Variants in BRD4 observed in about 807,000 individuals in gnomAD.
BRD4 encodes the protein bromodomain-containing protein 4.
A neutral mutation model predicts 142.1 loss-of-function variants in BRD4; 16 were observed. The ratio of observed to expected loss-of-function variants is 0.11; its 90% confidence interval spans 0.08 to 0.17. The LOEUF is 0.17. Ranked by LOEUF, BRD4 falls within the 10% of genes least tolerant of loss-of-function variation. The probability of loss-of-function intolerance (pLI) is 1.00; values close to 1 mark genes in which losing one functional copy is unlikely to be tolerated. For synonymous variants in BRD4, 833 were observed against 707.5 expected (o/e 1.18, Z -2.82); for missense variants, 1,424 against 1,810.9 (o/e 0.79, Z 3.88).
At chr19:15,244,904 A>G in intron 11 of BRD4, 142 bp from the exon 12 acceptor site, 1 of 1,438,550 alleles carries the variant, frequency 7.0e-7, no homozygotes, top group South Asian at 1.3e-5. Context: ...TCAATGAGGG[A>G]TGAGTTGGTC....
Position 15,236,825 on chromosome 19 carries a change from G to C in BRD4, c.*1552C>G, listed in dbSNP as rs114606094. The C allele has an allele frequency of 2.9e-3, 530 of 181,834 alleles. 3 individuals are homozygous for C. The highest frequency in any genetic ancestry group is 0.012 in the African/African-American group (516 of 42,336). 11.3% of individuals were successfully genotyped at this position (181,834 alleles called of 1,614,324 possible). On this transcript the variant is annotated 3_prime_UTR_variant, in exon 20 of 20. Transcript: ENST00000679869. ...CAGTTGGTTCACAAAGAAATGTCAG[G>C]GAGACGCCAGCATTAAAAAAAGAGA...
chr19:15,329,085 T>C (rs1044282450), intron 1 of BRD4, among the ~76,000 whole-genome samples: 15 of 152,052 alleles, frequency 9.9e-5, no homozygotes, highest in Admixed American at 7.9e-4. Context: ...TTCTGCTTTT[T>C]TTTTTTTTAA....
chr19:15,309,748 T>A (rs2047950109), intron 1 of BRD4, among the ~76,000 whole-genome samples: 1 of 152,186 alleles, frequency 6.6e-6, no homozygotes, highest in African/African-American at 2.4e-5. Context: ...GAATCAAAGA[T>A]GTTTCCTTCT....
At chr19:15,312,431 C>A (rs2047979596) in intron 1 of BRD4, among the ~76,000 whole-genome samples, 1 of 152,132 alleles carries the variant, frequency 6.6e-6, no homozygotes, top group African/African-American at 2.4e-5. Flanking sequence ...ATCAGGAGTT[C>A]AAGACCAGCC....
At chr19:15,304,837 C>T (rs1186416141) in intron 1 of BRD4, among the ~76,000 whole-genome samples, 4 of 152,050 alleles carry the variant, frequency 2.6e-5, no homozygotes, top group Admixed American at 2.6e-4. Context: ...TCTAAGGTCA[C>T]ACCTGACTCC....
chr19:15,276,498 A>ACTCTCT (rs141468815), intron 1 of BRD4, among the ~76,000 whole-genome samples: 33 of 145,506 alleles, frequency 2.3e-4, no homozygotes, highest in African/African-American at 8.4e-4. Flanking sequence ...AGGCTCACAG[A>ACTCTCT]CTCTCTCTCT....
In BRD4 at chr19:15,238,464, AGG is replaced by A; in HGVS notation, c.4021-21_4021-20del. ...CTGCCATCTGGAGGAGAAAGGAAGG[AGG>A]GAGTCAGGAGGATGACCTAGCCACC... On this transcript the variant is annotated intron_variant, in intron 19 of 19. Coordinates refer to ENST00000679869, the MANE Select transcript of BRD4 (RefSeq NM_001379291.1). The surrounding 1 kb of genome is among the most constrained non-coding windows in gnomAD (Gnocchi z 7.2). 1 of 1,613,980 alleles carries A rather than the reference AGG, an allele frequency of 6.2e-7. No homozygotes were observed. Among genetic ancestry groups the A allele is most frequent in the Non-Finnish European group, 8.5e-7 (1 of 1,179,952 alleles).
intron 2 of BRD4, among the ~76,000 whole-genome samples, chr19:15,272,386 T>G (rs1254649945): frequency 6.6e-6 from 1 of 152,174 alleles, no homozygotes; most frequent in African/African-American, 2.4e-5. Flanking sequence ...TGATGCTAGG[T>G]GACCACTACT....
rs111569875 is a variant in BRD4, at chr19:15,281,663, T to C, written c.-34-8530A>G. The stretch of plus-strand genomic sequence containing the variant: ...AATCTGGGCGGATGGATTCATGAAA[T>C]GTAAAATGTTCCTGTGAGAAGCATG... On this transcript the variant is annotated intron_variant, in intron 1 of 19. Coordinates refer to ENST00000679869, the MANE Select transcript of BRD4 (RefSeq NM_001379291.1). 7.2e-3 allele frequency among the ~76,000 whole-genome samples: 1,095 copies of C among 152,288 alleles called. 9 individuals are homozygous for C. Among genetic ancestry groups the C allele is most frequent in the Non-Finnish European group, 0.01 (708 of 68,028 alleles).
chr19:15,254,277 A>G lies in BRD4; in HGVS notation c.2048-15T>C. On this transcript the variant is annotated splice_polypyrimidine_tract_variant and intron_variant, in intron 10 of 19. Coordinates refer to ENST00000679869, the MANE Select transcript of BRD4 (RefSeq NM_001379291.1). ...AACTTTCTCAGCTGCAATCCAAGCA[A>G]TGGGAGCTGGTCAGGCAGGGCTGTG... is the stretch of plus-strand genomic sequence containing the variant. 1 of 1,609,354 alleles carries G rather than the reference A, an allele frequency of 6.2e-7. No homozygotes were observed. Among genetic ancestry groups the G allele is most frequent in the Non-Finnish European group, 8.5e-7 (1 of 1,175,752 alleles).
Position 15,243,246 on chromosome 19 carries a change from A to G in BRD4, c.2823T>C (p.Pro941=). 3.8e-6 allele frequency: 5 copies of G among 1,324,964 alleles called. No homozygotes were observed. Among genetic ancestry groups the G allele is most frequent in the South Asian group, 1.4e-5 (1 of 69,250 alleles). 82.1% of individuals were successfully genotyped at this position (1,324,964 alleles called of 1,614,324 possible). A position where few individuals can be genotyped will look rare whatever the true frequency, so the allele number is the denominator to read the frequency against. The part of the protein sequence containing the change: ...YLQQLQKVQP[P]TPLLPSVKVQ... ...CCTTCACGGAAGGGAGTAGCGGCGT[A>G]GGGGGCTGCACCTTCTGCAGCTGCT... is the stretch of plus-strand genomic sequence containing the variant. Residue 941 remains proline, a synonymous_variant, in exon 14 of 20, where the codon CCT becomes CCC. Coordinates refer to ENST00000679869, the MANE Select transcript of BRD4 (RefSeq NM_001379291.1).
At chr19:15,330,396 T>C (rs2048146816) in intron 1 of BRD4, among the ~76,000 whole-genome samples, 1 of 152,204 alleles carries the variant, frequency 6.6e-6, no homozygotes, top group African/African-American at 2.4e-5. Flanking sequence ...CTTGGTTATC[T>C]ACAACGCATC....
chr19:15,315,691 T>C (rs2048010972), intron 1 of BRD4, among the ~76,000 whole-genome samples: 1 of 151,824 alleles, frequency 6.6e-6, no homozygotes, highest in African/African-American at 2.4e-5. Flanking sequence ...TCATCTCCAC[T>C]AAAAATACAA....
Position 15,332,379 on chromosome 19 carries a change from G to C in BRD4, c.-124C>G, listed in dbSNP as rs1452576775. 6.9e-6 allele frequency: 1 copy of C among 145,468 alleles called. No homozygotes were observed. Among genetic ancestry groups the C allele is most frequent in the Non-Finnish European group, 1.5e-5 (1 of 65,298 alleles). 9.0% of individuals were successfully genotyped at this position (145,468 alleles called of 1,614,324 possible). On this transcript the variant is annotated 5_prime_UTR_variant, in exon 1 of 20. Transcript: ENST00000679869. ...AGCTGCCTGCGCGGCGCCGGGGCCC[G>C]CCCGCCGCTCTGCCGAGCTCACAGG...
chr19:15,330,241 CTAT>C (rs1342293726), intron 1 of BRD4, among the ~76,000 whole-genome samples: 1 of 152,162 alleles, frequency 6.6e-6, no homozygotes, highest in Non-Finnish European at 1.5e-5. Context: ...CTTTAAGATA[CTAT>C]GTTTCCTACC....
chr19:15,303,278 G>C (rs1176607737), intron 1 of BRD4, among the ~76,000 whole-genome samples: 1 of 152,170 alleles, frequency 6.6e-6, no homozygotes, highest in Non-Finnish European at 1.5e-5. Context: ...AATCCAAATT[G>C]TGTGGCTAGA....
intron 1 of BRD4, among the ~76,000 whole-genome samples, chr19:15,286,199 T>C (rs1449845991): frequency 6.6e-6 from 1 of 152,024 alleles, no homozygotes; most frequent in Non-Finnish European, 1.5e-5. Flanking sequence ...CACAAATCAG[T>C]CCAGTCCCCT....
intron 3 of BRD4, chr19:15,268,315 C>T (rs1013552870): frequency 6.5e-6 from 1 of 152,858 alleles, no homozygotes; most frequent in African/African-American, 2.4e-5. Flanking sequence ...ATGGCACAGC[C>T]GAGCCGAAAG....
In BRD4 at chr19:15,243,406, G is replaced by A; in HGVS notation, c.2663C>T (p.Pro888Leu). 6.4e-7 allele frequency: 1 copy of A among 1,559,130 alleles called. No individual in the cohort carries two copies. Among genetic ancestry groups the A allele is most frequent in the Non-Finnish European group, 8.6e-7 (1 of 1,156,172 alleles). ...TTGGGTCAAGGCTGGTGACACGGCT[G>A]GGGGCCGGGCGGGCTTGGGAGGCAG... ...AALPPKPARP[P>L]AVSPALTQTP... The change falls in exon 14 of 20, where the codon CCA (proline) becomes CTA (leucine). Residue 888 changes from proline (P) to leucine (L), a missense_variant. By Grantham distance (98) the Pro-to-Leu change is moderately conservative. Transcript: ENST00000679869.
Sources: gnomAD v4.1 joint callset for allele counts (sites outside exome capture counted in the v4.1 genomes callset) on GRCh38, gnomAD v4.1.1 for gene constraint, Gnocchi (gnomAD v3.1) non-coding constraint, MANE v1.5 for transcripts, NCBI Gene and HGNC (gene_info 2026-07-23, HGNC 2026-07-21) for gene names.